The following ATP8A2 variants were observed in gnomAD, a reference collection of about 807,000 sequenced individuals.
The protein encoded by ATP8A2 is phospholipid-transporting ATPase IB.
In ATP8A2, 100 loss-of-function variants were observed where a neutral mutation model predicts 165.6. The observed-to-expected ratio is 0.60, with a 90% CI of 0.51 to 0.71. ATP8A2 has a LOEUF of 0.71. ATP8A2 is among the 30% of genes least tolerant of loss of function. The pLI is 0.00. For synonymous variants in ATP8A2, 543 were observed against 548.8 expected, an observed-to-expected ratio of 0.99 and a Z score of 0.15; for missense variants, 1,227 against 1,479.5, an observed-to-expected ratio of 0.83 and a Z score of 2.80.
At chr13:25,996,904 G>A (rs570152794) in intron 35 of ATP8A2, among the ~76,000 whole-genome samples, 35 of 152,310 alleles carry the variant, frequency 2.3e-4, no homozygotes, top group African/African-American at 7.7e-4. Context: ...GGCTGGTCTC[G>A]AACTCCTGAC....
intron 24 of ATP8A2, among the ~76,000 whole-genome samples, chr13:25,655,977 A>G (rs1215319767): frequency 6.6e-6 from 1 of 152,186 alleles, no homozygotes; most frequent in Non-Finnish European, 1.5e-5. Flanking sequence ...GTCTTTCCAA[A>G]TACAACTGCA....
At chr13:25,427,977 A>G (rs747057699) in intron 1 of ATP8A2, among the ~76,000 whole-genome samples, 4 of 152,106 alleles carry the variant, frequency 2.6e-5, no homozygotes, top group African/African-American at 7.2e-5. Flanking sequence ...AGAGCAGATC[A>G]CTTCAGCCTA....
At chr13:25,780,198 A>T (rs2044841861) in intron 27 of ATP8A2, among the ~76,000 whole-genome samples, 1 of 152,218 alleles carries the variant, frequency 6.6e-6, no homozygotes, top group Non-Finnish European at 1.5e-5. Context: ...CTTTGGTATA[A>T]CATAAGGAAG....
At chr13:25,556,701 C>A (rs2038991673) in intron 13 of ATP8A2, among the ~76,000 whole-genome samples, 2 of 152,068 alleles carry the variant, frequency 1.3e-5, no homozygotes, top group South Asian at 2.1e-4. Context: ...ATTTCATACA[C>A]CTTATTCAAA....
At chr13:25,671,401 A>T (rs1489178685) in intron 24 of ATP8A2, among the ~76,000 whole-genome samples, 1 of 152,194 alleles carries the variant, frequency 6.6e-6, no homozygotes, top group African/African-American at 2.4e-5. Flanking sequence ...AAGAGAGATA[A>T]CCTTAAACTC....
chr13:25,772,732 ATTAAT>A (rs2044650041), intron 26 of ATP8A2, among the ~76,000 whole-genome samples: 1 of 150,696 alleles, frequency 6.6e-6, no homozygotes, highest in African/African-American at 2.4e-5. Flanking sequence ...CATTTAATTA[ATTAAT>A]TTATTTATTT....
intron 1 of ATP8A2, among the ~76,000 whole-genome samples, chr13:25,406,869 A>G (rs2033817479): frequency 6.6e-6 from 1 of 152,236 alleles, no homozygotes; most frequent in Non-Finnish European, 1.5e-5. Context: ...GGTGGCTTTC[A>G]TGTGGGCCAC....
At chr13:25,646,400 C>T (rs779046662) in intron 24 of ATP8A2, among the ~76,000 whole-genome samples, 3 of 152,118 alleles carry the variant, frequency 2.0e-5, no homozygotes, top group African/African-American at 7.2e-5. Context: ...CCTGTAATCC[C>T]AGCACTTTGG....
At chr13:25,641,371 A>C (rs2041516192) in intron 24 of ATP8A2, among the ~76,000 whole-genome samples, 1 of 152,210 alleles carries the variant, frequency 6.6e-6, no homozygotes, top group Non-Finnish European at 1.5e-5. Flanking sequence ...GTTTCAGCCC[A>C]AAATCTCCTT....
intron 25 of ATP8A2, among the ~76,000 whole-genome samples, chr13:25,746,649 A>G (rs2044038118): frequency 6.6e-6 from 1 of 152,188 alleles, no homozygotes; most frequent in Non-Finnish European, 1.5e-5. Flanking sequence ...CTGAAAGGAA[A>G]CTGGACCAGC....
chr13:25,742,681 C>CTTTTTTT (rs11395602), intron 25 of ATP8A2, among the ~76,000 whole-genome samples: 3 of 130,712 alleles, frequency 2.3e-5, no homozygotes, highest in Non-Finnish European at 3.2e-5. Flanking sequence ...CTCTCTCTGT[C>CTTTTTTT]TTTTTTTTTT....
intron 2 of ATP8A2, among the ~76,000 whole-genome samples, chr13:25,502,703 G>T (rs1441263592): frequency 6.6e-6 from 1 of 152,190 alleles, no homozygotes; most frequent in Admixed American, 6.5e-5. Flanking sequence ...ACTCCTACTT[G>T]TCCTTTGGAC....
intron 26 of ATP8A2, among the ~76,000 whole-genome samples, chr13:25,770,988 C>T (rs960975551): frequency 3.3e-5 from 5 of 152,190 alleles, no homozygotes; most frequent in Admixed American, 6.5e-5. Flanking sequence ...CTCCACCTCT[C>T]CAAAGCGGGG....
intron 33 of ATP8A2, among the ~76,000 whole-genome samples, chr13:25,911,323 G>A (rs1373692330): frequency 6.6e-6 from 1 of 152,102 alleles, no homozygotes; most frequent in Non-Finnish European, 1.5e-5. Context: ...TGGGATAATT[G>A]ACCCTCAGCA....
At chr13:25,863,012 G>C (rs1273746347) in intron 33 of ATP8A2, among the ~76,000 whole-genome samples, 1 of 152,142 alleles carries the variant, frequency 6.6e-6, no homozygotes, top group Non-Finnish European at 1.5e-5. Flanking sequence ...GTGACAAACT[G>C]TATCCTAGAA....
intron 23 of ATP8A2, among the ~76,000 whole-genome samples, chr13:25,583,976 T>G (rs1435752161): frequency 6.6e-6 from 1 of 152,204 alleles, no homozygotes; most frequent in Non-Finnish European, 1.5e-5. Context: ...TTTGTCAAAG[T>G]CTTATGTTTA....
chr13:25,667,879 C>T (rs7328462), intron 24 of ATP8A2, among the ~76,000 whole-genome samples: 15,953 of 151,830 alleles, frequency 0.11, 1,794 homozygotes, highest in East Asian at 0.37. Context: ...ATTAATATTG[C>T]AAGTTTATAG....
In ATP8A2 at chr13:25,832,417, T is replaced by C. The variant is rs1951502666; in HGVS notation, c.2754+4225T>C. Among the ~76,000 whole-genome samples the C allele has an allele frequency of 3.9e-5, 6 of 152,310 alleles. 1 individual carries two copies. The South Asian group carries it at 8.3e-4, about 21-fold the overall frequency. Reference sequence around the variant, plus strand: ...GCCAGCATCGTTTGAGGAAGAAAACTGTAGGCCAGTCTCACTTATAAACAT... The same window carrying C: ...GCCAGCATCGTTTGAGGAAGAAAACCGTAGGCCAGTCTCACTTATAAACAT... On this transcript the variant is annotated intron_variant, in intron 28 of 36. Transcript: ENST00000381655.
intron 27 of ATP8A2, among the ~76,000 whole-genome samples, chr13:25,805,037 G>T (rs769900929): frequency 2.0e-5 from 3 of 152,104 alleles, no homozygotes; most frequent in Non-Finnish European, 4.4e-5. Context: ...TGTTTTCTTG[G>T]TCATTAATTT....
Sources: gnomAD v4.1 joint callset for allele counts (sites outside exome capture counted in the v4.1 genomes callset) on GRCh38, gnomAD v4.1.1 for gene constraint, MANE v1.5 for transcripts, NCBI Gene and HGNC (gene_info 2026-07-23, HGNC 2026-07-21) for gene names.